NRXN3: variants seen among roughly 807,000 people sequenced by gnomAD.
The protein encoded by NRXN3 is neurexin III.
NRXN3 carries 32 observed loss-of-function variants against 137.6 expected under a neutral mutation model. The ratio of observed to expected loss-of-function variants is 0.23; its 90% CI spans 0.18 to 0.31. The LOEUF (loss-of-function observed/expected upper bound fraction) is 0.31, where lower values mean the gene tolerates loss of function less well. Among genes scored for constraint, NRXN3 ranks in the 10% least tolerant of loss-of-function variants. The pLI, the probability that NRXN3 is intolerant of heterozygous loss-of-function variation, is 1.00. For missense variants in NRXN3, 1,574 were observed against 2,062.5 expected (o/e 0.76, Z 4.59); for synonymous variants, 798 against 784.5 (o/e 1.02, Z -0.29).
intron 16 of NRXN3, among the ~76,000 whole-genome samples, chr14:79,479,823 A>G (rs2096591270): frequency 6.6e-6 from 1 of 152,114 alleles, no homozygotes; most frequent in Non-Finnish European, 1.5e-5. Context: ...CCTGGAGACT[A>G]ATCTGAGGTT....
chr14:79,276,288 G>C (rs1177795916), intron 15 of NRXN3, among the ~76,000 whole-genome samples: 3 of 152,190 alleles, frequency 2.0e-5, no homozygotes, highest in African/African-American at 7.2e-5. Flanking sequence ...GGGAGGGGCA[G>C]GAGGGATAAG....
At chr14:79,570,717 G>A (rs892217906) in intron 16 of NRXN3, 2 of 152,206 alleles carry the variant, frequency 1.3e-5, no homozygotes, top group Non-Finnish European at 2.9e-5. Flanking sequence ...ATCATAGACT[G>A]AGAGGCTTAA....
chr14:79,600,721 C>G (rs2097912941), intron 16 of NRXN3, among the ~76,000 whole-genome samples: 1 of 152,038 alleles, frequency 6.6e-6, no homozygotes, highest in Non-Finnish European at 1.5e-5. Context: ...CGCGAAATAC[C>G]AGGGGTACTA....
chr14:78,474,107 G>T (rs981642927), intron 4 of NRXN3, among the ~76,000 whole-genome samples: 1 of 152,098 alleles, frequency 6.6e-6, no homozygotes, highest in African/African-American at 2.4e-5. Flanking sequence ...CATATTAAAC[G>T]TATGTCCATC....
intron 8 of NRXN3, among the ~76,000 whole-genome samples, chr14:78,760,628 G>A (rs914214688): frequency 1.3e-5 from 2 of 151,482 alleles, no homozygotes; most frequent in Non-Finnish European, 2.9e-5. Flanking sequence ...AAAGAGTTTA[G>A]ACTTTTTGTT....
At chr14:79,673,054 A>G (rs1267331406) in intron 17 of NRXN3, among the ~76,000 whole-genome samples, 1 of 152,044 alleles carries the variant, frequency 6.6e-6, no homozygotes, top group Non-Finnish European at 1.5e-5. Context: ...ATCGATTGTA[A>G]TCATATTGCA....
At chr14:79,820,016 G>C (rs2099266424) in intron 20 of NRXN3, among the ~76,000 whole-genome samples, 1 of 146,968 alleles carries the variant, frequency 6.8e-6, no homozygotes, top group African/African-American at 2.6e-5. Context: ...TTTGGCAGTA[G>C]CTTCCTTGAT....
intron 4 of NRXN3, among the ~76,000 whole-genome samples, chr14:78,513,449 T>G (rs889068696): frequency 3.9e-5 from 6 of 152,162 alleles, no homozygotes; most frequent in Non-Finnish European, 8.8e-5. Flanking sequence ...AAATTACAGT[T>G]ATTTCACAAT....
At chr14:79,022,375 G>A (rs1211799852) in intron 15 of NRXN3, among the ~76,000 whole-genome samples, 1 of 152,054 alleles carries the variant, frequency 6.6e-6, no homozygotes, top group Admixed American at 6.6e-5. Flanking sequence ...AGGTGTGTTA[G>A]GTTCTGTAAT....
chr14:78,617,475 C>T (rs1389637800), intron 4 of NRXN3, among the ~76,000 whole-genome samples: 1 of 152,176 alleles, frequency 6.6e-6, no homozygotes, highest in East Asian at 1.9e-4. Context: ...GCAGAATGAA[C>T]ATTTAGAATC....
intron 10 of NRXN3, among the ~76,000 whole-genome samples, chr14:78,933,593 T>C (rs1195349729): frequency 2.0e-5 from 3 of 152,240 alleles, no homozygotes; most frequent in Non-Finnish European, 2.9e-5. Context: ...GTGTACAACA[T>C]GATGCTTCGA....
intron 15 of NRXN3, among the ~76,000 whole-genome samples, chr14:79,387,087 A>C (rs370529473): frequency 0.013 from 1,981 of 151,802 alleles, 31 homozygotes; most frequent in East Asian, 0.096. Flanking sequence ...GCAACAAAAG[A>C]CAAAATTGAC....
intron 8 of NRXN3, among the ~76,000 whole-genome samples, chr14:78,771,343 T>A (rs2098727136): frequency 6.6e-6 from 1 of 152,176 alleles, no homozygotes; most frequent in African/African-American, 2.4e-5. Flanking sequence ...GGGCACAATC[T>A]CATTATCATC....
intron 15 of NRXN3, among the ~76,000 whole-genome samples, chr14:79,061,204 C>T (rs550300923): frequency 6.6e-6 from 1 of 152,240 alleles, no homozygotes; most frequent in East Asian, 1.9e-4. Context: ...ATAAAGAGAT[C>T]CCATCTTTGT....
chr14:79,498,310 G>A (rs1035117392), intron 16 of NRXN3, among the ~76,000 whole-genome samples: 6 of 152,006 alleles, frequency 3.9e-5, no homozygotes, highest in Non-Finnish European at 5.9e-5. Flanking sequence ...TGCTATTATC[G>A]AGGATCCCTT....
At chr14:78,975,661 G>A (rs1254255900) in intron 14 of NRXN3, among the ~76,000 whole-genome samples, 25 of 152,154 alleles carry the variant, frequency 1.6e-4, no homozygotes, top group Admixed American at 1.6e-3. Flanking sequence ...CCAAGACAGA[G>A]GGAAGAGACA....
At chr14:78,723,230 G>A (rs1257529082) in intron 8 of NRXN3, among the ~76,000 whole-genome samples, 4 of 152,152 alleles carry the variant, frequency 2.6e-5, no homozygotes, top group Non-Finnish European at 5.9e-5. Flanking sequence ...AGACCAACAG[G>A]TCAGCATATA....
chr14:79,279,468 C>G, intron 15 of NRXN3: 1 of 986,252 alleles, frequency 1.0e-6, no homozygotes, highest in Non-Finnish European at 1.2e-6. Context: ...CAGGCACCTC[C>G]TCTTGCGCTC....
chr14:79,517,102 C>CA (rs1009762722), intron 16 of NRXN3, among the ~76,000 whole-genome samples: 85 of 150,890 alleles, frequency 5.6e-4, no homozygotes, highest in African/African-American at 1.8e-3. Context: ...GCCCCCCCCC[C>CA]CTCAACGAAT....
Sources: gnomAD v4.1 joint callset for allele counts (sites outside exome capture counted in the v4.1 genomes callset) on GRCh38, gnomAD v4.1.1 for gene constraint, MANE v1.5 for transcripts, NCBI Gene and HGNC (gene_info 2026-07-23, HGNC 2026-07-21) for gene names.